SDR16C5: variants seen among roughly 807,000 people sequenced by gnomAD.
SDR16C5 encodes short chain dehydrogenase/reductase family 16C member 5, also known as epidermal retinol dehydrogenase 2.
In SDR16C5, 20 loss-of-function variants were observed where a neutral mutation model predicts 27.7. The ratio of observed to expected loss-of-function variants is 0.72; its 90% CI spans 0.51 to 1.05. The LOEUF is 1.05. Ranked by LOEUF, SDR16C5 falls within the 50% of genes least tolerant of loss-of-function variation. The pLI is 0.00. For missense variants in SDR16C5, 374 were observed against 366.3 expected, an observed-to-expected ratio of 1.02 and a Z score of -0.17; for synonymous variants, 139 against 132.3, an observed-to-expected ratio of 1.05 and a Z score of -0.35.
chr8:56,309,499 T>G, intron 3 of SDR16C5: 1 of 985,272 alleles, frequency 1.0e-6, no homozygotes. Context: ...CATCTCTTAT[T>G]TTTGTTCCAT....
rs1034997195 is a variant in SDR16C5 at position 56,301,274 on chromosome 8, A to G, written c.*206T>C. ...TCTTTATTTTTGGAAAAAAAAAGAA[A>G]AAGAAAAAACCAAAACTCAACCAAA... On this transcript the variant is annotated 3_prime_UTR_variant, in exon 7 of 7. Transcript: ENST00000303749. 1 of 461,654 alleles carries G rather than the reference A, an allele frequency of 2.2e-6. No individual in the cohort carries two copies. Among genetic ancestry groups the G allele is most frequent in the African/African-American group, 2.0e-5 (1 of 50,794 alleles). 28.6% of individuals were successfully genotyped at this position (461,654 alleles called of 1,614,324 possible).
chr8:56,300,043 C>G lies in SDR16C5; in HGVS notation c.*1437G>C, dbSNP rs1445898745. On this transcript the variant is annotated 3_prime_UTR_variant, in exon 7 of 7. Transcript: ENST00000303749. ...AAACGCCTTTATTCTTTGGCATACACCAAATACCTTCATCATTCTTTGAGT... is the reference window on the plus strand; with the variant it reads ...AAACGCCTTTATTCTTTGGCATACAGCAAATACCTTCATCATTCTTTGAGT... 1 of 152,130 alleles carries G rather than the reference C, an allele frequency of 6.6e-6. No individual in the cohort carries two copies. Among genetic ancestry groups the G allele is most frequent in the Non-Finnish European group, 1.5e-5 (1 of 68,036 alleles). 9.4% of individuals were successfully genotyped at this position (152,130 alleles called of 1,614,324 possible). A position where few individuals can be genotyped will look rare whatever the true frequency, so the allele number is the denominator to read the frequency against.
At chr8:56,311,944 C>A (rs1815053693) in intron 3 of SDR16C5, among the ~76,000 whole-genome samples, 2 of 152,182 alleles carry the variant, frequency 1.3e-5, no homozygotes, top group Non-Finnish European at 2.9e-5. Flanking sequence ...ACCATGAGGA[C>A]AGTTCTGTCC....
intron 4 of SDR16C5, among the ~76,000 whole-genome samples, chr8:56,307,750 T>A (rs1390865466): frequency 6.6e-6 from 1 of 152,184 alleles, no homozygotes; most frequent in Non-Finnish European, 1.5e-5. Context: ...CCTGAGATTC[T>A]GATGAGCAGA....
Position 56,312,146 on chromosome 8 carries a change from A to G in SDR16C5, c.465+11T>C, listed in dbSNP as rs746490849. 1 of 1,600,028 alleles carries G rather than the reference A, an allele frequency of 6.2e-7. No individual in the cohort carries two copies. ...AATTTTACATTTATGATGAGAAGAA[A>G]CAATTATTACCCATAAATGTGCTTT... On this transcript the variant is annotated intron_variant, in intron 3 of 6. Coordinates refer to ENST00000303749, the MANE Select transcript of SDR16C5 (RefSeq NM_138969.4).
At chr8:56,317,116 T>C (rs1417429845) in intron 1 of SDR16C5, among the ~76,000 whole-genome samples, 2 of 152,198 alleles carry the variant, frequency 1.3e-5, no homozygotes, top group Non-Finnish European at 2.9e-5. Context: ...GGGGTTCTCT[T>C]GGCCTTACAC....
intron 3 of SDR16C5, chr8:56,309,413 C>T: frequency 2.0e-6 from 2 of 985,356 alleles, no homozygotes; most frequent in Non-Finnish European, 2.4e-6. Context: ...TTTTGAGTTT[C>T]AAATTTTCCC....
chr8:56,308,348 G>T (rs1356608853), intron 4 of SDR16C5, among the ~76,000 whole-genome samples: 1 of 152,210 alleles, frequency 6.6e-6, no homozygotes, highest in African/African-American at 2.4e-5. Context: ...TCTAGAGCCA[G>T]CTCCCAAGTT....
intron 2 of SDR16C5, among the ~76,000 whole-genome samples, chr8:56,312,777 GTTTT>G (rs35869830): frequency 5.8e-4 from 78 of 134,864 alleles, no homozygotes; most frequent in Admixed American, 9.5e-4. Flanking sequence ...CACACACCAA[GTTTT>G]TTTTTTTTTT....
intron 6 of SDR16C5, chr8:56,304,072 T>C (rs896879284): frequency 1.4e-5 from 10 of 702,794 alleles, no homozygotes; most frequent in South Asian, 4.4e-5. Context: ...ACCCATCCTG[T>C]GCCAGATGAA....
At chr8:56,314,878 G>A (rs893989462) in intron 2 of SDR16C5, among the ~76,000 whole-genome samples, 1 of 152,172 alleles carries the variant, frequency 6.6e-6, no homozygotes, top group Admixed American at 6.5e-5. Flanking sequence ...TTCTCAATAA[G>A]TTGGGCAATT....
chr8:56,309,049 T>G, intron 3 of SDR16C5, 22 bp from the exon 4 acceptor site: 2 of 1,459,128 alleles, frequency 1.4e-6, no homozygotes, highest in Non-Finnish European at 9.5e-7. Flanking sequence ...AAGGAAAACT[T>G]TTAATGTTTA....
chr8:56,310,654 G>T (rs1393246121), intron 3 of SDR16C5, among the ~76,000 whole-genome samples: 2 of 151,230 alleles, frequency 1.3e-5, no homozygotes, highest in African/African-American at 4.9e-5. Context: ...GGAGGTGGAG[G>T]TTGCAGTGAG....
chr8:56,310,885 A>G (rs1473224229), intron 3 of SDR16C5, among the ~76,000 whole-genome samples: 2 of 152,214 alleles, frequency 1.3e-5, no homozygotes, highest in African/African-American at 4.8e-5. Context: ...CATGGTAGCC[A>G]CTAAATTCTG....
intron 2 of SDR16C5, among the ~76,000 whole-genome samples, chr8:56,315,060 T>A (rs573278556): frequency 6.6e-6 from 1 of 151,890 alleles, no homozygotes; most frequent in Non-Finnish European, 1.5e-5. Flanking sequence ...CTGACCAACA[T>A]GGAGAAACCC....
chr8:56,312,978 G>A (rs370279873), intron 2 of SDR16C5, among the ~76,000 whole-genome samples: 31 of 152,040 alleles, frequency 2.0e-4, no homozygotes, highest in African/African-American at 6.7e-4. Flanking sequence ...GGTTTTCACC[G>A]TGTTAGCCAG....
At chr8:56,303,201 C>G (rs1478483345) in intron 6 of SDR16C5, among the ~76,000 whole-genome samples, 1 of 151,562 alleles carries the variant, frequency 6.6e-6, no homozygotes, top group Non-Finnish European at 1.5e-5. Context: ...GTAATCCCAG[C>G]TACTCGAGAG....
At chr8:56,303,717 G>C (rs1814815698) in intron 6 of SDR16C5, among the ~76,000 whole-genome samples, 1 of 152,176 alleles carries the variant, frequency 6.6e-6, no homozygotes, top group Non-Finnish European at 1.5e-5. Flanking sequence ...CCCATAACTA[G>C]TATTGCATAA....
At chr8:56,313,379 G>A (rs981443738) in intron 2 of SDR16C5, among the ~76,000 whole-genome samples, 1 of 152,200 alleles carries the variant, frequency 6.6e-6, no homozygotes, top group Non-Finnish European at 1.5e-5. Context: ...GATACATTCT[G>A]AGAAGTGCAT....
Sources: allele counts gnomAD v4.1 joint callset (sites outside exome capture counted in the v4.1 genomes callset), GRCh38; gene constraint gnomAD v4.1.1; transcripts MANE v1.5; gene names NCBI Gene and HGNC (gene_info 2026-07-23, HGNC 2026-07-21).